The following GPRIN3 variants were observed in gnomAD, a reference collection of about 807,000 sequenced individuals.
The protein encoded by GPRIN3 is GPRIN family member 3, also known as G protein-regulated inducer of neurite outgrowth 3.
A neutral mutation model predicts 13.7 loss-of-function variants in GPRIN3; 12 were observed. That is an observed-to-expected ratio of 0.87 (90% CI 0.56 to 1.42). GPRIN3 has a LOEUF of 1.42. Ranked by LOEUF, GPRIN3 falls within the 40% of genes most tolerant of loss-of-function variation. GPRIN3 has a pLI of 0.00. For synonymous variants in GPRIN3, 377 were observed against 372.7 expected, an observed-to-expected ratio of 1.01 and a Z score of -0.13; for missense variants, 1,009 against 958.7, an observed-to-expected ratio of 1.05 and a Z score of -0.69.
rs939321388 is a variant in GPRIN3, at chr4:89,242,588, TC to T, written c.*5191del. ...TTTATGAAGCTTCTAAACAAGTTTT[TC>T]CAGGAAGAAAGCAGAAACTATGCCT... On this transcript the variant is annotated 3_prime_UTR_variant, in exon 2 of 2. Coordinates refer to ENST00000609438, the MANE Select transcript of GPRIN3 (RefSeq NM_198281.3). 3.9e-5 allele frequency: 6 copies of T among 152,208 alleles called. No individual in the cohort carries two copies. The highest frequency in any genetic ancestry group is 7.4e-5 in the Non-Finnish European group (5 of 68,024). 9.4% of individuals were successfully genotyped at this position (152,208 alleles called of 1,614,324 possible). A position where few individuals can be genotyped will look rare whatever the true frequency, so the allele number is the denominator to read the frequency against.
At position 89,245,030 on chromosome 4, in the gene GPRIN3, TAGGTTTCACAA is replaced by T. The variant is rs1723052831; in HGVS notation, c.*2739_*2749del. 2 of 152,184 alleles carry T rather than the reference TAGGTTTCACAA, an allele frequency of 1.3e-5. No individual in the cohort carries two copies. Among genetic ancestry groups the T allele is most frequent in the Non-Finnish European group, 2.9e-5 (2 of 68,030 alleles). The allele number at this position is 152,184 out of a possible 1,614,324, so 9.4% of individuals were successfully genotyped here. ...GCAGCTTCATCTGTTGAATGAACCT[TAGGTTTCACAA>T]ATAAGGTATACTAAATGCCTAATGC... is the stretch of plus-strand genomic sequence containing the variant. On this transcript the variant is annotated 3_prime_UTR_variant, in exon 2 of 2. Transcript: ENST00000609438.
intron 1 of GPRIN3, among the ~76,000 whole-genome samples, chr4:89,257,705 A>AT (rs1041670072): frequency 6.6e-6 from 1 of 152,122 alleles, no homozygotes; most frequent in Non-Finnish European, 1.5e-5. Context: ...TTTAATTTTT[A>AT]TTTTTTGTGG....
rs1723179739 is a variant in GPRIN3, at chr4:89,248,393, C to G, written c.1718G>C (p.Gly573Ala). 1 of 1,614,128 alleles carries G rather than the reference C, an allele frequency of 6.2e-7. No homozygotes were observed. The highest frequency in any genetic ancestry group is 1.3e-5 in the African/African-American group (1 of 75,016). The change falls in exon 2 of 2, where the codon GGC becomes GCC. Residue 573 changes from glycine (G) to alanine (A), a missense_variant. Coordinates refer to ENST00000609438, the MANE Select transcript of GPRIN3 (RefSeq NM_198281.3). Reference sequence around the variant, plus strand: ...TGTAGGATTAGCAGCTGATTCTGTGCCTCCACTTTCTTGGGATTTAGGATT... The same window carrying G: ...TGTAGGATTAGCAGCTGATTCTGTGGCTCCACTTTCTTGGGATTTAGGATT... Reference protein sequence around the residue: ...LLNPKSQESGGTESAANPTPS... With the variant: ...LLNPKSQESGATESAANPTPS...
chr4:89,256,177 A>G (rs897886096), intron 1 of GPRIN3, among the ~76,000 whole-genome samples: 3 of 152,172 alleles, frequency 2.0e-5, no homozygotes, highest in Admixed American at 1.3e-4. Flanking sequence ...TGTAACCATG[A>G]GAAGAAAATG....
chr4:89,250,183 CAG>C lies in GPRIN3; in HGVS notation c.-75_-74del. The stretch of plus-strand genomic sequence containing the variant: ...CACTGGTGGGGGAGGGGAGCGCAGT[CAG>C]AGCTCAGAGTGATGACACAGTCAGG... On this transcript the variant is annotated 5_prime_UTR_variant, in exon 2 of 2. Transcript: ENST00000609438. 12 of 1,530,530 alleles carry C rather than the reference CAG, an allele frequency of 7.8e-6. No individual in the cohort carries two copies. Among genetic ancestry groups the C allele is most frequent in the Non-Finnish European group, 1.1e-5 (12 of 1,139,844 alleles). 94.8% of individuals were successfully genotyped at this position (1,530,530 alleles called of 1,614,324 possible).
At position 89,248,685 on chromosome 4, in the gene GPRIN3, A is replaced by G. The variant is rs759347221; in HGVS notation, c.1426T>C (p.Cys476Arg). 4 of 1,614,162 alleles carry G rather than the reference A, an allele frequency of 2.5e-6. No homozygotes were observed. The highest frequency in any genetic ancestry group is 3.4e-6 in the Non-Finnish European group (4 of 1,180,028). Residue 476 changes from cysteine (C) to arginine (R), a missense_variant, in exon 2 of 2, where the codon TGC becomes CGC. Physicochemically the swap from Cys to Arg is radical, Grantham distance 180. Coordinates refer to ENST00000609438, the MANE Select transcript of GPRIN3 (RefSeq NM_198281.3). ...CCATAACTTGTTTCAGCTTGACTGC[A>G]TGCACTGATAGAAATCTGGTCAATG... ...TAIDQISISA[C>R]SQAETSYGLG...
chr4:89,263,549 C>G (rs1723700743), intron 1 of GPRIN3, among the ~76,000 whole-genome samples: 1 of 152,150 alleles, frequency 6.6e-6, no homozygotes, highest in South Asian at 2.1e-4. Context: ...TTTGGAGTGT[C>G]CCTGTTTCCC....
chr4:89,292,149 T>C (rs183253258), intron 1 of GPRIN3, among the ~76,000 whole-genome samples: 8 of 152,328 alleles, frequency 5.3e-5, no homozygotes, highest in Non-Finnish European at 8.8e-5. Context: ...GATTAACACA[T>C]ACAGTGACAT....
Position 89,244,940 on chromosome 4 carries a change from T to A in GPRIN3, c.*2840A>T, listed in dbSNP as rs867836173. 107 of 152,314 alleles carry A rather than the reference T, an allele frequency of 7.0e-4. No homozygotes were observed. Among genetic ancestry groups the A allele is most frequent in the African/African-American group, 2.5e-3 (103 of 41,562 alleles). 9.4% of individuals were successfully genotyped at this position (152,314 alleles called of 1,614,324 possible). A position where few individuals can be genotyped will look rare whatever the true frequency, so the allele number is the denominator to read the frequency against. On this transcript the variant is annotated 3_prime_UTR_variant, in exon 2 of 2. Transcript: ENST00000609438. ...ACCAAACAACTTTCAACCCAATGTG[T>A]GTCATGCAGGTAAAGTAAGGAAAAA...
At chr4:89,254,968 A>G (rs576432836) in intron 1 of GPRIN3, among the ~76,000 whole-genome samples, 6 of 152,338 alleles carry the variant, frequency 3.9e-5, no homozygotes, top group Non-Finnish European at 7.4e-5. Flanking sequence ...GGCGCTGAGA[A>G]GAACTGTCCC....
rs553746854 is a variant in GPRIN3 at position 89,238,734 on chromosome 4, C to G, written c.*9046G>C. 5 of 152,180 alleles carry G rather than the reference C, an allele frequency of 3.3e-5. No individual in the cohort carries two copies. Among genetic ancestry groups the G allele is most frequent in the African/African-American group, 1.2e-4 (5 of 41,426 alleles). 9.4% of individuals were successfully genotyped at this position (152,180 alleles called of 1,614,324 possible). ...TCTTTCATTGCAAATACTTCCAGTT[C>G]CACTGCAGATTCCTAGCAGAAGCTG... On this transcript the variant is annotated 3_prime_UTR_variant, in exon 2 of 2. Transcript: ENST00000609438.
intron 1 of GPRIN3, among the ~76,000 whole-genome samples, chr4:89,272,848 ACT>A (rs1723996759): frequency 6.6e-6 from 1 of 152,178 alleles, no homozygotes; most frequent in African/African-American, 2.4e-5. Flanking sequence ...GCTCACTGAA[ACT>A]CACCAAATTG....
chr4:89,274,928 AC>A (rs1254825281), intron 1 of GPRIN3, among the ~76,000 whole-genome samples: 1 of 152,292 alleles, frequency 6.6e-6, no homozygotes, highest in South Asian at 2.1e-4. Context: ...TAGAGGAGTG[AC>A]GACAGGTAGC....
At chr4:89,262,517 C>T (rs570233361) in intron 1 of GPRIN3, among the ~76,000 whole-genome samples, 9 of 152,310 alleles carry the variant, frequency 5.9e-5, no homozygotes, top group East Asian at 1.9e-4. Flanking sequence ...AGCATGCACG[C>T]TGACGTTTCT....
intron 1 of GPRIN3, among the ~76,000 whole-genome samples, chr4:89,252,219 T>C (rs1723349044): frequency 6.6e-6 from 1 of 152,148 alleles, no homozygotes; most frequent in Admixed American, 6.5e-5. Context: ...GTGATCCTCC[T>C]GCCTCAACCT....
intron 1 of GPRIN3, among the ~76,000 whole-genome samples, chr4:89,289,375 A>G (rs1367997020): frequency 6.6e-6 from 1 of 151,974 alleles, no homozygotes; most frequent in Non-Finnish European, 1.5e-5. Flanking sequence ...AATGTTCTCC[A>G]AGTCAAAACC....
chr4:89,251,858 G>A (rs1366566082), intron 1 of GPRIN3, among the ~76,000 whole-genome samples: 2 of 152,104 alleles, frequency 1.3e-5, no homozygotes, highest in African/African-American at 2.4e-5. Context: ...AGAGTGATAA[G>A]TTGGGGACAG....
At chr4:89,252,839 G>T (rs1723364824) in intron 1 of GPRIN3, among the ~76,000 whole-genome samples, 1 of 151,682 alleles carries the variant, frequency 6.6e-6, no homozygotes, top group Non-Finnish European at 1.5e-5. Context: ...CACTTGCTCT[G>T]CCCCAGCCAG....
rs1723109301 is a variant in GPRIN3, at chr4:89,246,635, T to C, written c.*1145A>G. 1 of 152,206 alleles carries C rather than the reference T, an allele frequency of 6.6e-6. No individual in the cohort carries two copies. Among genetic ancestry groups the C allele is most frequent in the Non-Finnish European group, 1.5e-5 (1 of 68,038 alleles). 9.4% of individuals were successfully genotyped at this position (152,206 alleles called of 1,614,324 possible). On this transcript the variant is annotated 3_prime_UTR_variant, in exon 2 of 2. Transcript: ENST00000609438. The stretch of plus-strand genomic sequence containing the variant: ...AGTTACCTTTTTACTCCAGCATATA[T>C]ATTTAAGCAATTAGATGATAGTAGT...
Sources: allele counts gnomAD v4.1 joint callset (sites outside exome capture counted in the v4.1 genomes callset), GRCh38; gene constraint gnomAD v4.1.1; transcripts MANE v1.5; gene names NCBI Gene and HGNC (gene_info 2026-07-23, HGNC 2026-07-21).